ADD3: variants seen among roughly 807,000 people sequenced by gnomAD.
ADD3 encodes the protein gamma-adducin.
A neutral mutation model predicts 80.2 loss-of-function variants in ADD3; 25 were observed. The observed-to-expected ratio is 0.31, with a 90% CI of 0.23 to 0.44. The LOEUF is 0.44. Ranked by LOEUF, ADD3 falls within the 20% of genes least tolerant of loss-of-function variation. ADD3 has a pLI of 1.00. For synonymous variants in ADD3, 284 were observed against 289.6 expected (o/e 0.98, Z 0.20); for missense variants, 829 against 847.5 (o/e 0.98, Z 0.27).
chr10:110,094,448 C>A (rs1847922670), intron 1 of ADD3, among the ~76,000 whole-genome samples: 1 of 152,138 alleles, frequency 6.6e-6, no homozygotes, highest in Non-Finnish European at 1.5e-5. Flanking sequence ...CATATAAAAT[C>A]AATAGCCTTT....
chr10:110,047,756 G>T (rs1041558233), intron 1 of ADD3, among the ~76,000 whole-genome samples: 11 of 152,114 alleles, frequency 7.2e-5, no homozygotes, highest in Non-Finnish European at 4.4e-5. Flanking sequence ...TGAAAGAAAT[G>T]TAAATTCTAG....
At chr10:110,057,215 C>G (rs1408350900) in intron 1 of ADD3, among the ~76,000 whole-genome samples, 1 of 152,212 alleles carries the variant, frequency 6.6e-6, no homozygotes, top group Admixed American at 6.5e-5. Flanking sequence ...TATGTGACAA[C>G]TAACTCTTCT....
intron 1 of ADD3, among the ~76,000 whole-genome samples, chr10:110,058,725 A>G (rs1589917562): frequency 6.6e-6 from 1 of 152,172 alleles, no homozygotes; most frequent in Admixed American, 6.5e-5. Flanking sequence ...TTTCCTTTGT[A>G]TTGAGCCTTT....
intron 8 of ADD3, 92 bp downstream of exon 8, chr10:110,119,656 T>G: frequency 9.2e-7 from 1 of 1,083,260 alleles, no homozygotes; most frequent in Non-Finnish European, 1.4e-6. Context: ...TATTAGTTAG[T>G]GGCTTTTTGT....
intron 3 of ADD3, among the ~76,000 whole-genome samples, chr10:110,114,016 G>C (rs1022855457): frequency 2.0e-5 from 3 of 152,204 alleles, no homozygotes; most frequent in East Asian, 1.9e-4. Flanking sequence ...AGGAAGACTA[G>C]TCAGGGAAAA....
At chr10:110,016,132 A>G (rs1188184865) in intron 1 of ADD3, among the ~76,000 whole-genome samples, 1 of 152,198 alleles carries the variant, frequency 6.6e-6, no homozygotes, top group African/African-American at 2.4e-5. Context: ...GCTTTGTGTC[A>G]CACCTGAATG....
chr10:110,132,924 C>CAA (rs60435351), intron 14 of ADD3, among the ~76,000 whole-genome samples: 383 of 65,036 alleles, frequency 5.9e-3, no homozygotes, highest in Non-Finnish European at 7.0e-3. Flanking sequence ...GACTCCGCCT[C>CAA]AAAAAAAAAA....
chr10:110,011,816 A>G (rs987217198), intron 1 of ADD3, among the ~76,000 whole-genome samples: 1 of 152,050 alleles, frequency 6.6e-6, no homozygotes, highest in African/African-American at 2.4e-5. Context: ...TATGGTTTGA[A>G]CTCCGGGTCC....
At chr10:110,096,424 A>G (rs1848161920) in intron 1 of ADD3, among the ~76,000 whole-genome samples, 1 of 152,236 alleles carries the variant, frequency 6.6e-6, no homozygotes, top group Non-Finnish European at 1.5e-5. Context: ...CAGCACCAGT[A>G]ACACCAGTTT....
Position 110,083,376 on chromosome 10 carries a change from CATA to C in ADD3, c.-29-17248_-29-17246del, listed in dbSNP as rs1372676406. 3.9e-5 allele frequency among the ~76,000 whole-genome samples: 6 copies of C among 152,196 alleles called. No homozygotes were observed. The East Asian group carries it at 1.2e-3, about 29-fold the overall frequency. ...CTAAAAATACAAAAAATTAGCCGGG[CATA>C]GTGGCTGGCGCCTCTAGTCCCAGCT... On this transcript the variant is annotated intron_variant, in intron 1 of 14. Transcript: ENST00000356080.
At chr10:110,097,356 G>A (rs1848292672) in intron 1 of ADD3, among the ~76,000 whole-genome samples, 1 of 152,162 alleles carries the variant, frequency 6.6e-6, no homozygotes, top group African/African-American at 2.4e-5. Flanking sequence ...GGAGGGCCCT[G>A]AAAATTGTGG....
chr10:110,094,350 A>G lies in ADD3; in HGVS notation c.-29-6275A>G, dbSNP rs187740127. Among the ~76,000 whole-genome samples, 455 of 152,336 alleles carry G rather than the reference A, an allele frequency of 3.0e-3. 3 individuals are homozygous for G. Among genetic ancestry groups the G allele is most frequent in the African/African-American group, 0.01 (431 of 41,582 alleles). ...TGATATTTGAGCAATGTAACTTTAGAAAAGTCACTCAACACCACTGAGTAT... is the reference window on the plus strand; with the variant it reads ...TGATATTTGAGCAATGTAACTTTAGGAAAGTCACTCAACACCACTGAGTAT... On this transcript the variant is annotated intron_variant, in intron 1 of 14. Transcript: ENST00000356080.
intron 1 of ADD3, among the ~76,000 whole-genome samples, chr10:110,069,871 A>C (rs980709135): frequency 2.0e-5 from 3 of 152,244 alleles, no homozygotes; most frequent in Non-Finnish European, 2.9e-5. Context: ...GTCAGATTAG[A>C]GTGAAAGCAA....
chr10:110,071,232 A>G (rs1440071635), intron 1 of ADD3, among the ~76,000 whole-genome samples: 1 of 152,180 alleles, frequency 6.6e-6, no homozygotes, highest in Admixed American at 6.5e-5. Flanking sequence ...ACAGAGCCCC[A>G]TATCCTTAGA....
intron 1 of ADD3, among the ~76,000 whole-genome samples, chr10:110,077,756 A>G (rs1564935947): frequency 7.2e-6 from 1 of 139,606 alleles, no homozygotes; most frequent in South Asian, 2.5e-4. Flanking sequence ...ATTGAGGTCC[A>G]TGTTCAGCAA....
At position 110,100,821 on chromosome 10, in the gene ADD3, A is replaced by T; in HGVS notation, c.168A>T (p.Lys56Asn). The T allele has an allele frequency of 1.2e-6, 2 of 1,610,388 alleles. No individual in the cohort carries two copies. Among genetic ancestry groups the T allele is most frequent in the Non-Finnish European group, 1.7e-6 (2 of 1,178,488 alleles). The change falls in exon 2 of 15, where the codon AAA becomes AAT. Residue 56 changes from lysine (K) to asparagine (N), a missense_variant. Coordinates refer to ENST00000356080, the MANE Select transcript of ADD3 (RefSeq NM_016824.5). ...RQDFNMMEQR[K>N]RVTQILQSPA... The stretch of plus-strand genomic sequence containing the variant: ...ACTTCAACATGATGGAGCAGAGGAA[A>T]CGAGTTACTCAGATCCTGCAAAGTC...
intron 1 of ADD3, among the ~76,000 whole-genome samples, chr10:110,016,952 T>C (rs554440144): frequency 3.9e-5 from 6 of 152,280 alleles, no homozygotes; most frequent in African/African-American, 1.4e-4. Context: ...GCTTTGAAAT[T>C]GTTGCTATAA....
chr10:110,132,581 C>A, intron 14 of ADD3, 181 bp downstream of exon 14: 1 of 563,518 alleles, frequency 1.8e-6, no homozygotes, highest in Non-Finnish European at 3.1e-6. Flanking sequence ...TTTTGTTCAG[C>A]ATTTATATTG....
chr10:110,036,370 A>G (rs1176007276), intron 1 of ADD3, among the ~76,000 whole-genome samples: 2 of 144,914 alleles, frequency 1.4e-5, no homozygotes, highest in African/African-American at 2.6e-5. Context: ...TAGTTTAGAA[A>G]GTGTCTTTTT....
Sources: allele counts gnomAD v4.1 joint callset (sites outside exome capture counted in the v4.1 genomes callset), GRCh38; gene constraint gnomAD v4.1.1; transcripts MANE v1.5; gene names NCBI Gene and HGNC (gene_info 2026-07-23, HGNC 2026-07-21).